The following IQCH variants were observed in gnomAD, a reference collection of about 807,000 sequenced individuals.
IQCH encodes IQ domain-containing protein H.
Under a neutral mutation model 117.0 loss-of-function variants are expected in IQCH, and 98 were observed. The observed-to-expected ratio is 0.84, with a 90% CI of 0.71 to 0.99. The LOEUF (loss-of-function observed/expected upper bound fraction) is 0.99. IQCH is among the 50% of genes least tolerant of loss of function. The probability of loss-of-function intolerance (pLI) is 0.00; values close to 1 mark genes in which losing one functional copy is unlikely to be tolerated. For missense variants in IQCH, 1,102 were observed against 1,243.8 expected, an observed-to-expected ratio of 0.89 and a Z score of 1.72; for synonymous variants, 412 against 448.2, an observed-to-expected ratio of 0.92 and a Z score of 1.02.
intron 4 of IQCH, among the ~76,000 whole-genome samples, chr15:67,292,006 C>T (rs921315675): frequency 3.3e-5 from 5 of 152,058 alleles, no homozygotes; most frequent in Admixed American, 1.3e-4. Flanking sequence ...GACATTTTGA[C>T]GTATGGACTT....
In IQCH at chr15:67,365,891, C is replaced by T. The variant is rs188913101; in HGVS notation, c.753+6006C>T. On this transcript the variant is annotated intron_variant, in intron 8 of 20. Coordinates refer to ENST00000335894, the MANE Select transcript of IQCH (RefSeq NM_001031715.3). This position sits in a 1 kb window ranked among gnomAD's most constrained non-coding sequence, Gnocchi z 4.4. Reference sequence around the variant, plus strand: ...GTTGCAGTGAGCTGAGATTGCACCACTGCACACTAGCCTGGGCAGCAGAGG... The same window carrying T: ...GTTGCAGTGAGCTGAGATTGCACCATTGCACACTAGCCTGGGCAGCAGAGG... Among the ~76,000 whole-genome samples the T allele has an allele frequency of 6.6e-6, 1 of 152,238 alleles. No individual in the cohort carries two copies. Among genetic ancestry groups the T allele is most frequent in the Admixed American group, 6.5e-5 (1 of 15,298 alleles).
At chr15:67,488,106 A>T (rs2083543417) in intron 18 of IQCH, among the ~76,000 whole-genome samples, 1 of 152,210 alleles carries the variant, frequency 6.6e-6, no homozygotes, top group African/African-American at 2.4e-5. Context: ...TGAGCCCAGC[A>T]GTTCGAGACC....
chr15:67,318,393 A>G (rs1967951428), intron 4 of IQCH, among the ~76,000 whole-genome samples: 2 of 152,230 alleles, frequency 1.3e-5, no homozygotes, highest in Admixed American at 1.3e-4. Context: ...ACATCAGAGA[A>G]CACTTGAATA....
intron 18 of IQCH, among the ~76,000 whole-genome samples, chr15:67,483,161 G>A (rs1354790502): frequency 6.6e-6 from 1 of 152,142 alleles, no homozygotes; most frequent in East Asian, 1.9e-4. Context: ...TGATTATAAA[G>A]GCTGGTTTGA....
chr15:67,387,043 C>CT lies in IQCH; in HGVS notation c.1457-1786dup, dbSNP rs1042755213. Reference sequence around the variant, plus strand: ...TGTTTTTCTGCCCTATTCTTTCATACTTAAAAAAAACTCATTAGTTTGATT... The same window carrying CT: ...TGTTTTTCTGCCCTATTCTTTCATACTTTAAAAAAAACTCATTAGTTTGATT... On this transcript the variant is annotated intron_variant, in intron 11 of 20. Transcript: ENST00000335894. The surrounding 1 kb of genome is among the most constrained non-coding windows in gnomAD (Gnocchi z 4.8). Among the ~76,000 whole-genome samples the CT allele has an allele frequency of 3.4e-4, 51 of 152,118 alleles. No homozygotes were observed. Among genetic ancestry groups the CT allele is most frequent in the Admixed American group, 1.0e-3 (16 of 15,282 alleles).
intron 16 of IQCH, among the ~76,000 whole-genome samples, chr15:67,438,435 A>G (rs1166482548): frequency 2.6e-5 from 4 of 152,232 alleles, no homozygotes; most frequent in Non-Finnish European, 5.9e-5. Context: ...AAAAACATCA[A>G]AACAGAACCT....
At position 67,456,908 on chromosome 15, in the gene IQCH, T is replaced by G. The variant is rs2082670459; in HGVS notation, c.2506-8219T>G. ...AGAAGGCAGTGTCCAAGGGGATTGGTACAGAGATGGAAGCTCTAGTTGCTC... is the reference window on the plus strand; with the variant it reads ...AGAAGGCAGTGTCCAAGGGGATTGGGACAGAGATGGAAGCTCTAGTTGCTC... On this transcript the variant is annotated intron_variant, in intron 16 of 20. Transcript: ENST00000335894. The surrounding 1 kb of genome is among the most constrained non-coding windows in gnomAD (Gnocchi z 5.1). 6.6e-6 allele frequency among the ~76,000 whole-genome samples: 1 copy of G among 152,122 alleles called. No individual in the cohort carries two copies. The highest frequency in any genetic ancestry group is 6.5e-5 in the Admixed American group (1 of 15,270).
chr15:67,456,157 T>C lies in IQCH; in HGVS notation c.2506-8970T>C, dbSNP rs2082652959. On this transcript the variant is annotated intron_variant, in intron 16 of 20. Coordinates refer to ENST00000335894, the MANE Select transcript of IQCH (RefSeq NM_001031715.3). The surrounding 1 kb of genome is among the most constrained non-coding windows in gnomAD (Gnocchi z 5.1). ...ATATTAAAAGATTTGTGATTTTTTT[T>C]TACAAAGGTGAAAAGTATAAATACA... is the stretch of plus-strand genomic sequence containing the variant. 6.6e-6 allele frequency among the ~76,000 whole-genome samples: 1 copy of C among 152,070 alleles called. No homozygotes were observed.
At chr15:67,441,236 A>G (rs1246517864) in intron 16 of IQCH, among the ~76,000 whole-genome samples, 1 of 151,926 alleles carries the variant, frequency 6.6e-6, no homozygotes, top group Non-Finnish European at 1.5e-5. Context: ...GAAATCACAG[A>G]CGACACAAAC....
rs1477322220 is a variant in IQCH at position 67,394,000 on chromosome 15, T to C, written c.1633-1291T>C. 6.6e-6 allele frequency among the ~76,000 whole-genome samples: 1 copy of C among 152,160 alleles called. No individual in the cohort carries two copies. Among genetic ancestry groups the C allele is most frequent in the Non-Finnish European group, 1.5e-5 (1 of 68,016 alleles). Reference sequence around the variant, plus strand: ...GGTGAAGAAATAGGCTCAGGGGGTCTAAGTTACTTGCCTACATTAATGGAG... The same window carrying C: ...GGTGAAGAAATAGGCTCAGGGGGTCCAAGTTACTTGCCTACATTAATGGAG... On this transcript the variant is annotated intron_variant, in intron 12 of 20. Coordinates refer to ENST00000335894, the MANE Select transcript of IQCH (RefSeq NM_001031715.3). The surrounding 1 kb of genome is among the most constrained non-coding windows in gnomAD (Gnocchi z 5.5).
rs904540963 is a variant in IQCH, at chr15:67,425,967, G to T, written c.2505+4390G>T. Among the ~76,000 whole-genome samples, 1 of 152,178 alleles carries T rather than the reference G, an allele frequency of 6.6e-6. No individual in the cohort carries two copies. Among genetic ancestry groups the T allele is most frequent in the Non-Finnish European group, 1.5e-5 (1 of 68,020 alleles). ...ACTTTCATTGTTTTGATGCTCAGTT[G>T]TTCCAGATTTGGCCAGTGAGAGACC... is the stretch of plus-strand genomic sequence containing the variant. On this transcript the variant is annotated intron_variant, in intron 16 of 20. Coordinates refer to ENST00000335894, the MANE Select transcript of IQCH (RefSeq NM_001031715.3). The surrounding 1 kb of genome is among the most constrained non-coding windows in gnomAD (Gnocchi z 5.5).
intron 4 of IQCH, among the ~76,000 whole-genome samples, chr15:67,287,146 C>T (rs940323054): frequency 6.6e-6 from 1 of 152,096 alleles, no homozygotes; most frequent in African/African-American, 2.4e-5. Context: ...GAATTATCTT[C>T]TTAATGTGTT....
chr15:67,382,562 C>G (rs1311027191), intron 10 of IQCH, among the ~76,000 whole-genome samples: 1 of 152,202 alleles, frequency 6.6e-6, no homozygotes, highest in Non-Finnish European at 1.5e-5. Context: ...GGCCAAAGCT[C>G]TTTGTCCCTT....
rs1276487281 is a variant in IQCH at position 67,458,557 on chromosome 15, C to T, written c.2506-6570C>T. On this transcript the variant is annotated intron_variant, in intron 16 of 20. Coordinates refer to ENST00000335894, the MANE Select transcript of IQCH (RefSeq NM_001031715.3). This position sits in a 1 kb window ranked among gnomAD's most constrained non-coding sequence, Gnocchi z 4.1. The stretch of plus-strand genomic sequence containing the variant: ...ACATTAGTTAGCTCACATCACTCCT[C>T]CACTCAACACTCTCCAGTGCATTCC... Among the ~76,000 whole-genome samples, 1 of 152,208 alleles carries T rather than the reference C, an allele frequency of 6.6e-6. No individual in the cohort carries two copies. Among genetic ancestry groups the T allele is most frequent in the Non-Finnish European group, 1.5e-5 (1 of 68,048 alleles).
rs1971173358 is a variant in IQCH, at chr15:67,388,373, A to G, written c.1457-458A>G. Among the ~76,000 whole-genome samples, 1 of 152,230 alleles carries G rather than the reference A, an allele frequency of 6.6e-6. No individual in the cohort carries two copies. The highest frequency in any genetic ancestry group is 6.5e-5 in the Admixed American group (1 of 15,274). ...ATCAGACCATTTATTTCAACAGGAC[A>G]TTCCCTGAATTGACCCTGTCAAGTC... On this transcript the variant is annotated intron_variant, in intron 11 of 20. Transcript: ENST00000335894. The surrounding 1 kb of genome is among the most constrained non-coding windows in gnomAD (Gnocchi z 5.5).
At chr15:67,256,533 T>G (rs898994585) in intron 1 of IQCH, among the ~76,000 whole-genome samples, 1 of 152,198 alleles carries the variant, frequency 6.6e-6, no homozygotes, top group African/African-American at 2.4e-5. Context: ...ACAAAGACAC[T>G]TCTATCAGGC....
chr15:67,297,550 G>A (rs1966860930), intron 4 of IQCH, among the ~76,000 whole-genome samples: 1 of 152,102 alleles, frequency 6.6e-6, no homozygotes, highest in Non-Finnish European at 1.5e-5. Context: ...CAGCACCATA[G>A]TCTTTCTCTT....
Position 67,472,651 on chromosome 15 carries a change from G to A in IQCH, c.2677-3045G>A, listed in dbSNP as rs767448269. 6.6e-6 allele frequency among the ~76,000 whole-genome samples: 1 copy of A among 152,262 alleles called. No individual in the cohort carries two copies. The highest frequency in any genetic ancestry group is 1.9e-4 in the East Asian group (1 of 5,186). On this transcript the variant is annotated intron_variant, in intron 17 of 20. Coordinates refer to ENST00000335894, the MANE Select transcript of IQCH (RefSeq NM_001031715.3). The surrounding 1 kb of genome is among the most constrained non-coding windows in gnomAD (Gnocchi z 4.3). ...TCAGAAGACAGAATTTCAATGATCT[G>A]TTCAAGATCACATACACAGTAAGTG...
intron 4 of IQCH, among the ~76,000 whole-genome samples, chr15:67,333,524 G>A (rs1404362205): frequency 6.6e-6 from 1 of 152,086 alleles, no homozygotes; most frequent in Non-Finnish European, 1.5e-5. Context: ...TGTCAGGGAC[G>A]ATGGATCACC....
Sources: gnomAD v4.1 joint callset for allele counts (sites outside exome capture counted in the v4.1 genomes callset) on GRCh38, gnomAD v4.1.1 for gene constraint, Gnocchi (gnomAD v3.1) non-coding constraint, MANE v1.5 for transcripts, NCBI Gene and HGNC (gene_info 2026-07-23, HGNC 2026-07-21) for gene names.